ETFA: variants seen among roughly 807,000 people sequenced by gnomAD.
The protein encoded by ETFA is electron transfer flavoprotein subunit alpha, mitochondrial.
In ETFA, 22 loss-of-function variants were observed where a neutral mutation model predicts 46.2. The ratio of observed to expected loss-of-function variants is 0.48; its 90% confidence interval spans 0.34 to 0.68. The LOEUF is 0.68. ETFA is among the 30% of genes least tolerant of loss of function. The pLI is 0.01. For missense variants in ETFA, 345 were observed against 401.1 expected, an observed-to-expected ratio of 0.86 and a Z score of 1.19; for synonymous variants, 131 against 139.9, an observed-to-expected ratio of 0.94 and a Z score of 0.45.
chr15:76,295,227 T>C (rs980971379), intron 2 of ETFA, among the ~76,000 whole-genome samples: 12 of 152,204 alleles, frequency 7.9e-5, no homozygotes, highest in African/African-American at 1.4e-4. Context: ...CATAATACTT[T>C]GTCCAGATTT....
intron 10 of ETFA, chr15:76,228,176 A>G (rs112324754): frequency 5.5e-6 from 2 of 360,582 alleles, no homozygotes; most frequent in East Asian, 7.3e-5. Context: ...ATTATACTAT[A>G]TAACAATTGT....
At chr15:76,276,978 T>C (rs909359838) in intron 8 of ETFA, among the ~76,000 whole-genome samples, 19 of 152,220 alleles carry the variant, frequency 1.2e-4, no homozygotes, top group Admixed American at 1.2e-3. Flanking sequence ...CCTTTTAGTA[T>C]ATCTTGCAAT....
At chr15:76,289,538 T>G (rs1341699628) in intron 4 of ETFA, among the ~76,000 whole-genome samples, 1 of 152,230 alleles carries the variant, frequency 6.6e-6, no homozygotes, top group African/African-American at 2.4e-5. Context: ...GGATCTGGTC[T>G]TCTATCTAAA....
intron 8 of ETFA, among the ~76,000 whole-genome samples, chr15:76,275,930 CAT>C (rs1390741318): frequency 6.6e-6 from 1 of 152,178 alleles, no homozygotes; most frequent in Non-Finnish European, 1.5e-5. Flanking sequence ...TACATGAGCA[CAT>C]AAGTAATTGT....
At chr15:76,280,252 A>G (rs984927353) in intron 8 of ETFA, among the ~76,000 whole-genome samples, 2 of 152,134 alleles carry the variant, frequency 1.3e-5, no homozygotes, top group African/African-American at 2.4e-5. Flanking sequence ...TAGACATCTC[A>G]AAGGTTAATA....
chr15:76,267,929 C>G (rs1284111403), intron 9 of ETFA, among the ~76,000 whole-genome samples: 21 of 152,114 alleles, frequency 1.4e-4, no homozygotes, highest in Non-Finnish European at 5.9e-5. Context: ...TGGGTGCCCA[C>G]CAAACATCTG....
rs547547338 is a variant in ETFA, at chr15:76,269,486, C to T, written c.816+4926G>A. Among the ~76,000 whole-genome samples the T allele has an allele frequency of 3.9e-5, 6 of 152,342 alleles. No homozygotes were observed. In the South Asian group the frequency reaches 1.2e-3, roughly 32 times the overall value. ...ATACATCGCTTCCTTTCAACCCCCA[C>T]ATCCTCACCACCTGTTTCTTTGTTT... On this transcript the variant is annotated intron_variant, in intron 9 of 11. Coordinates refer to ENST00000557943, the MANE Select transcript of ETFA (RefSeq NM_000126.4).
chr15:76,248,776 C>G (rs755655291), intron 9 of ETFA, among the ~76,000 whole-genome samples: 9 of 151,832 alleles, frequency 5.9e-5, no homozygotes, highest in African/African-American at 1.2e-4. Context: ...ACTCAGGAGG[C>G]TGAGGTGGGA....
At chr15:76,276,093 A>G (rs1026102709) in intron 8 of ETFA, among the ~76,000 whole-genome samples, 1 of 152,034 alleles carries the variant, frequency 6.6e-6, no homozygotes, top group African/African-American at 2.4e-5. Context: ...TTTGACCTCT[A>G]TCATTTCCTT....
chr15:76,262,930 G>C (rs1294933326), intron 9 of ETFA, among the ~76,000 whole-genome samples: 1 of 152,166 alleles, frequency 6.6e-6, no homozygotes, highest in Non-Finnish European at 1.5e-5. Flanking sequence ...AGTGCTGGGG[G>C]GAACTATACC....
intron 9 of ETFA, among the ~76,000 whole-genome samples, chr15:76,244,607 T>G (rs2039226653): frequency 6.6e-6 from 1 of 152,128 alleles, no homozygotes; most frequent in Admixed American, 6.5e-5. Context: ...TCTTTGACAT[T>G]CATGTGCCCA....
intron 9 of ETFA, among the ~76,000 whole-genome samples, chr15:76,248,548 A>G (rs1408243336): frequency 1.3e-5 from 2 of 152,230 alleles, no homozygotes; most frequent in Non-Finnish European, 2.9e-5. Context: ...AACCACATTA[A>G]AATTAATGCT....
chr15:76,292,353 C>T, intron 4 of ETFA, 78 bp downstream of exon 4: 5 of 977,620 alleles, frequency 5.1e-6, no homozygotes, highest in Non-Finnish European at 8.3e-6. Context: ...CATAAACAGT[C>T]TGTTGCATAC....
chr15:76,282,021 A>G (rs1235193399), intron 8 of ETFA, among the ~76,000 whole-genome samples: 4 of 149,146 alleles, frequency 2.7e-5, no homozygotes, highest in Non-Finnish European at 5.9e-5. Flanking sequence ...CTCCTGCCTC[A>G]GCCTCACAAG....
At chr15:76,274,965 A>G (rs1255774382) in intron 8 of ETFA, among the ~76,000 whole-genome samples, 1 of 152,064 alleles carries the variant, frequency 6.6e-6, no homozygotes, top group Non-Finnish European at 1.5e-5. Context: ...GAGTAAAACA[A>G]CCCCTTCCCC....
At chr15:76,287,990 G>C (rs1234909685) in intron 4 of ETFA, 45 bp from the exon 5 acceptor site, 2 of 1,161,294 alleles carry the variant, frequency 1.7e-6, no homozygotes, top group Non-Finnish European at 2.6e-6. Flanking sequence ...ACATAGTGAT[G>C]GAAGACTATA....
intron 10 of ETFA, chr15:76,227,713 C>G: frequency 2.4e-6 from 1 of 418,784 alleles, no homozygotes; most frequent in Admixed American, 2.8e-5. Flanking sequence ...TTCTACCTAC[C>G]TGGCATTGTA....
chr15:76,220,819 G>T (rs1212423600), intron 11 of ETFA, among the ~76,000 whole-genome samples: 4 of 152,168 alleles, frequency 2.6e-5, no homozygotes, highest in African/African-American at 9.7e-5. Context: ...TAAAAAGACA[G>T]ACAATAACAT....
intron 1 of ETFA, among the ~76,000 whole-genome samples, chr15:76,298,816 C>A (rs1195190286): frequency 6.6e-6 from 1 of 151,944 alleles, no homozygotes; most frequent in Non-Finnish European, 1.5e-5. Context: ...AAAATATAAT[C>A]TCAAAAGACC....
Sources: gnomAD v4.1 joint callset for allele counts (sites outside exome capture counted in the v4.1 genomes callset) on GRCh38, gnomAD v4.1.1 for gene constraint, MANE v1.5 for transcripts, NCBI Gene and HGNC (gene_info 2026-07-23, HGNC 2026-07-21) for gene names.